The following MYCBPAP variants were observed in gnomAD, a reference collection of about 807,000 sequenced individuals.
MYCBPAP encodes the protein MYCBP associated protein.
Under a neutral mutation model 106.1 loss-of-function variants are expected in MYCBPAP, and 60 were observed. That is an observed-to-expected ratio of 0.57 (90% CI 0.46 to 0.70). The LOEUF (loss-of-function observed/expected upper bound fraction) is 0.70. MYCBPAP is among the 30% of genes least tolerant of loss of function. MYCBPAP has a pLI of 0.00. For missense variants in MYCBPAP, 1,064 were observed against 1,169.3 expected (o/e 0.91, Z 1.31); for synonymous variants, 407 against 440.6 (o/e 0.92, Z 0.95).
chr17:50,509,612 T>A lies in MYCBPAP; in HGVS notation c.76+862T>A, dbSNP rs190489374. 52 of 157,660 alleles carry A rather than the reference T, an allele frequency of 3.3e-4. No individual in the cohort carries two copies. In the East Asian group the frequency reaches 8.1e-3, roughly 25 times the overall value. The allele number at this position is 157,660 out of a possible 1,614,324, so 9.8% of individuals were successfully genotyped here. A position where few individuals can be genotyped will look rare whatever the true frequency, so the allele number is the denominator to read the frequency against. ...GCTCTCGCTGTGTTGCCCCAGCTAG[T>A]GTCAAATTCTTGGCCTCAAGCGATC... On this transcript the variant is annotated intron_variant, in intron 1 of 18. Transcript: ENST00000323776.
chr17:50,520,851 A>T (rs992719961), intron 7 of MYCBPAP: 6 of 435,702 alleles, frequency 1.4e-5, no homozygotes, highest in Non-Finnish European at 2.1e-5. Flanking sequence ...TAAGCACTCA[A>T]TAAAAGGTAG....
intron 4 of MYCBPAP, 99 bp downstream of exon 4, chr17:50,517,797 C>T: frequency 2.0e-6 from 2 of 992,982 alleles, no homozygotes; most frequent in Non-Finnish European, 3.2e-6. Context: ...AAGAGACAGT[C>T]TAGTCTGTAG....
Position 50,529,202 on chromosome 17 carries a change from C to T in MYCBPAP, c.2724+14C>T. Reference sequence around the variant, plus strand: ...CTGCACAGTGAGGTGAAGGGAAGCGCCCAGCAGCCATTCCCCTGCCTCCCA... The same window carrying T: ...CTGCACAGTGAGGTGAAGGGAAGCGTCCAGCAGCCATTCCCCTGCCTCCCA... On this transcript the variant is annotated intron_variant, in intron 18 of 18. Transcript: ENST00000323776. The T allele has an allele frequency of 6.2e-7, 1 of 1,603,666 alleles. No homozygotes were observed. The highest frequency in any genetic ancestry group is 1.3e-5 in the African/African-American group (1 of 74,554).
intron 7 of MYCBPAP, chr17:50,520,875 T>A (rs2034232339): frequency 2.0e-6 from 1 of 496,794 alleles, no homozygotes; most frequent in Non-Finnish European, 3.7e-6. Context: ...CTGTTATTAT[T>A]TTTATTATAA....
At chr17:50,509,015 C>T (rs1394107268) in intron 1 of MYCBPAP, 1 of 702,770 alleles carries the variant, frequency 1.4e-6, no homozygotes, top group Non-Finnish European at 2.6e-6. Context: ...GGGAGATGGC[C>T]TTGCGCTACC....
At position 50,520,966 on chromosome 17, in the gene MYCBPAP, G is replaced by A. The variant is rs939108538; in HGVS notation, c.917-144G>A. On this transcript the variant is annotated intron_variant, in intron 7 of 18. Transcript: ENST00000323776. Reference sequence around the variant, plus strand: ...TGAGGAGGTATAGGACAGGAGAACGGGAGTCTAGCTGCCACAGGGAAGCTG... The same window carrying A: ...TGAGGAGGTATAGGACAGGAGAACGAGAGTCTAGCTGCCACAGGGAAGCTG... The A allele has an allele frequency of 2.8e-5, 18 of 651,312 alleles. No individual in the cohort carries two copies. The African/African-American group carries it at 2.9e-4, about 10-fold the overall frequency. The allele number at this position is 651,312 out of a possible 1,614,324, so 40.3% of individuals were successfully genotyped here.
chr17:50,518,723 C>G lies in MYCBPAP; in HGVS notation c.651C>G (p.Ser217Arg). ...GGAAGAAGCAGCAGGAAGCCCTCAG[C>G]GGTGAGCAGAGCAGACAGGGCTCCC... ...ALRKKQQEAL[S>R]EHLKKPVSEL... The change falls in exon 5 of 19, where the codon AGC becomes AGG. Residue 217 changes from serine (S) to arginine (R), a missense_variant and splice_region_variant. By Grantham distance (110) the Ser-to-Arg change is moderately radical. Transcript: ENST00000323776. The G allele has an allele frequency of 6.3e-7, 1 of 1,577,022 alleles. No individual in the cohort carries two copies. Among genetic ancestry groups the G allele is most frequent in the Non-Finnish European group, 8.6e-7 (1 of 1,165,126 alleles).
At position 50,531,317 on chromosome 17, in the gene MYCBPAP, G is replaced by C. The variant is rs184452863; in HGVS notation, c.2725-10G>C. On this transcript the variant is annotated splice_polypyrimidine_tract_variant and intron_variant, in intron 18 of 18. Transcript: ENST00000323776. ...TAAACTCTGCCTGTGATGTTGTCCC[G>C]TTCTTCCAGGTCCGTGGGCTGCTGG... is the stretch of plus-strand genomic sequence containing the variant. 1 of 1,602,702 alleles carries C rather than the reference G, an allele frequency of 6.2e-7. No homozygotes were observed. Among genetic ancestry groups the C allele is most frequent in the South Asian group, 1.1e-5 (1 of 89,554 alleles).
intron 1 of MYCBPAP, among the ~76,000 whole-genome samples, chr17:50,514,405 G>GT (rs1252503191): frequency 1.6e-4 from 24 of 152,326 alleles, no homozygotes; most frequent in Admixed American, 1.1e-3. Context: ...CAGGACTTAG[G>GT]TTTTCTTTTG....
intron 1 of MYCBPAP, among the ~76,000 whole-genome samples, chr17:50,512,067 T>C (rs2033872927): frequency 6.6e-6 from 1 of 150,984 alleles, no homozygotes; most frequent in Non-Finnish European, 1.5e-5. Flanking sequence ...TTTTTTTTTT[T>C]TTGAGACGGA....
chr17:50,521,492 T>TA, intron 9 of MYCBPAP, 61 bp downstream of exon 9: 2 of 1,280,646 alleles, frequency 1.6e-6, no homozygotes, highest in East Asian at 5.1e-5. Flanking sequence ...CTACCAGTAT[T>TA]AAAGAGCGGG....
Position 50,528,797 on chromosome 17 carries a change from A to C in MYCBPAP, c.2510A>C (p.Lys837Thr). 6.2e-7 allele frequency: 1 copy of C among 1,614,062 alleles called. No homozygotes were observed. The highest frequency in any genetic ancestry group is 8.5e-7 in the Non-Finnish European group (1 of 1,180,020). ...AAQEKKQLGI[K>T]DKEDKKGAKL... ...CAGGAAAAGAAGCAACTGGGGATCAAAGACAAAGAAGACAAGAAAGGAGCC... is the reference window on the plus strand; with the variant it reads ...CAGGAAAAGAAGCAACTGGGGATCACAGACAAAGAAGACAAGAAAGGAGCC... The change falls in exon 17 of 19, where the codon AAA (lysine) becomes ACA (threonine). Residue 837 changes from lysine (K) to threonine (T), a missense_variant. Transcript: ENST00000323776.
At position 50,519,564 on chromosome 17, in the gene MYCBPAP, T is replaced by G. The variant is rs2034180826; in HGVS notation, c.769-76T>G. 3.8e-5 allele frequency: 59 copies of G among 1,555,538 alleles called. 1 individual carries two copies. Among genetic ancestry groups the G allele is most frequent in the Non-Finnish European group, 5.2e-5 (59 of 1,136,780 alleles). On this transcript the variant is annotated intron_variant, in intron 6 of 18. Coordinates refer to ENST00000323776, the MANE Select transcript of MYCBPAP (RefSeq NM_032133.6). ...AAGCATCTGTAGCCTGTGGTGGTGC[T>G]CTTGTCTTCCCACATCTCCACCAGC...
In MYCBPAP at chr17:50,508,439, A is replaced by C. The variant is rs901099181; in HGVS notation, c.-236A>C. The C allele has an allele frequency of 3.7e-6, 4 of 1,078,568 alleles. No individual in the cohort carries two copies. The highest frequency in any genetic ancestry group is 3.4e-5 in the African/African-American group (2 of 58,560). 66.8% of individuals were successfully genotyped at this position (1,078,568 alleles called of 1,614,324 possible). ...CTGTGGCGTCACAGGCCGGGCCCGC[A>C]GGGCTTTCTAGGGGTCCGTCGCTCT... On this transcript the variant is annotated 5_prime_UTR_variant, in exon 1 of 19. Transcript: ENST00000323776.
chr17:50,517,713 A>C lies in MYCBPAP; in HGVS notation c.468+15A>C. 6.2e-7 allele frequency: 1 copy of C among 1,608,042 alleles called. No individual in the cohort carries two copies. Among genetic ancestry groups the C allele is most frequent in the Non-Finnish European group, 8.5e-7 (1 of 1,174,754 alleles). Reference sequence around the variant, plus strand: ...GGAACACCCAGGTTTGTTTGCACAGAACTACCCGGATGAGAGCAGTCACTG... The same window carrying C: ...GGAACACCCAGGTTTGTTTGCACAGCACTACCCGGATGAGAGCAGTCACTG... On this transcript the variant is annotated intron_variant, in intron 4 of 18. Coordinates refer to ENST00000323776, the MANE Select transcript of MYCBPAP (RefSeq NM_032133.6).
At chr17:50,523,564 A>C (rs780497660) in intron 11 of MYCBPAP, 33 bp from the exon 12 acceptor site, 42 of 1,610,396 alleles carry the variant, frequency 2.6e-5, no homozygotes, top group Non-Finnish European at 3.0e-5. Flanking sequence ...CAGCTCCTGC[A>C]TGTTGAAAAC....
chr17:50,523,369 A>AGAGATT (rs2034347568), intron 11 of MYCBPAP, among the ~76,000 whole-genome samples: 2 of 152,206 alleles, frequency 1.3e-5, no homozygotes, highest in African/African-American at 4.8e-5. Flanking sequence ...CTAGGGGCTC[A>AGAGATT]GTTATCTAGG....
At chr17:50,516,441 A>C in intron 1 of MYCBPAP, 129 bp from the exon 2 acceptor site, 1 of 1,156,864 alleles carries the variant, frequency 8.6e-7, no homozygotes, top group Non-Finnish European at 1.2e-6. Context: ...TCTGCTATCT[A>C]TCCAGCTGGT....
chr17:50,528,757 C>G lies in MYCBPAP; in HGVS notation c.2470C>G (p.Arg824Gly). 5 of 1,613,928 alleles carry G rather than the reference C, an allele frequency of 3.1e-6. No individual in the cohort carries two copies. Among genetic ancestry groups the G allele is most frequent in the Non-Finnish European group, 4.2e-6 (5 of 1,179,974 alleles). ...VPVGKAGKEE[R>G]KGAAQEKKQL... ...TGTGGGGAAAGCTGGGAAGGAGGAG[C>G]GGAAAGGAGCAGCCCAGGAAAAGAA... The change falls in exon 17 of 19, where the codon CGG (arginine) becomes GGG (glycine). Residue 824 changes from arginine (R) to glycine (G), a missense_variant. Coordinates refer to ENST00000323776, the MANE Select transcript of MYCBPAP (RefSeq NM_032133.6).
Sources: gnomAD v4.1 joint callset for allele counts (sites outside exome capture counted in the v4.1 genomes callset) on GRCh38, gnomAD v4.1.1 for gene constraint, MANE v1.5 for transcripts, NCBI Gene and HGNC (gene_info 2026-07-23, HGNC 2026-07-21) for gene names.